The following EPB41 variants were observed in gnomAD, a reference collection of about 807,000 sequenced individuals.
EPB41 encodes protein 4.1.
Under a neutral mutation model 108.0 loss-of-function variants are expected in EPB41, and 65 were observed. The observed-to-expected ratio is 0.60, with a 90% CI of 0.49 to 0.74. EPB41 has a LOEUF of 0.74. EPB41 is among the 30% of genes least tolerant of loss of function. The pLI, the probability that EPB41 is intolerant of heterozygous loss-of-function variation, is 0.00. For synonymous variants in EPB41, 336 were observed against 358.9 expected (o/e 0.94, Z 0.72); for missense variants, 875 against 1,037.0 (o/e 0.84, Z 2.15).
At chr1:29,097,542 A>G (rs1268786646) in intron 16 of EPB41, 9 of 495,366 alleles carry the variant, frequency 1.8e-5, no homozygotes, top group East Asian at 7.7e-5. Flanking sequence ...TATATCACCA[A>G]TCATAACTGT....
At chr1:29,114,999 A>G (rs1185636162) in intron 19 of EPB41, among the ~76,000 whole-genome samples, 6 of 151,994 alleles carry the variant, frequency 3.9e-5, no homozygotes, top group Admixed American at 3.3e-4. Context: ...CTTGCCACTT[A>G]CCCATGCTGA....
intron 18 of EPB41, 26 bp from the exon 19 acceptor site, chr1:29,112,342 A>C (rs930325802): frequency 1.9e-6 from 3 of 1,578,054 alleles, no homozygotes; most frequent in Non-Finnish European, 2.6e-6. Flanking sequence ...CGCTGATCTC[A>C]TATGACATCT....
intron 1 of EPB41, among the ~76,000 whole-genome samples, chr1:28,918,301 G>A (rs1161661214): frequency 2.0e-5 from 3 of 150,692 alleles, no homozygotes; most frequent in South Asian, 2.1e-4. Context: ...ATCTGCCCAC[G>A]TCCGCCTCCC....
chr1:29,051,806 G>GTTC (rs1644562411), intron 11 of EPB41, among the ~76,000 whole-genome samples: 2 of 152,048 alleles, frequency 1.3e-5, no homozygotes, highest in South Asian at 4.2e-4. Context: ...GCTGAGGCAG[G>GTTC]AGAATCACTT....
Position 29,011,888 on chromosome 1 carries a change from A to C in EPB41, c.810A>C (p.Glu270Asp). 6.2e-7 allele frequency: 1 copy of C among 1,614,152 alleles called. No homozygotes were observed. The highest frequency in any genetic ancestry group is 8.5e-7 in the Non-Finnish European group (1 of 1,179,984). ...AGACATGGCTGGATTCCGCCAAAGA[A>C]ATAAAAAAGCAGGTTCGTGGTAAGT... ...TSKTWLDSAK[E>D]IKKQVRGVPW... is the part of the protein sequence containing the mutation. Residue 270 changes from glutamate (E) to aspartate (D), a missense_variant, in exon 5 of 21, where the codon GAA becomes GAC. Physicochemically the swap from Glu to Asp is conservative, Grantham distance 45. Transcript: ENST00000343067.
At chr1:29,109,762 G>A in intron 18 of EPB41, 1 of 383,962 alleles carries the variant, frequency 2.6e-6, no homozygotes, top group Non-Finnish European at 5.0e-6. Flanking sequence ...GGCCAGGCAT[G>A]GTGGCCCACA....
chr1:28,905,943 G>C (rs1398422927), intron 1 of EPB41, among the ~76,000 whole-genome samples: 1 of 151,196 alleles, frequency 6.6e-6, no homozygotes, highest in African/African-American at 2.4e-5. Context: ...TCAGCCTCCA[G>C]AGTAGCTGGT....
rs1489384931 is a variant in EPB41, at chr1:29,116,851, A to T, written c.*39A>T. ...CCTACCCCAACTCTGCCCTTCTCCC[A>T]TCCAAGAGAAACCAGCAAAATGATA... On this transcript the variant is annotated 3_prime_UTR_variant, in exon 21 of 21. Coordinates refer to ENST00000343067, the MANE Select transcript of EPB41 (RefSeq NM_001376013.1). The T allele has an allele frequency of 6.6e-6, 1 of 152,178 alleles. No individual in the cohort carries two copies. The highest frequency in any genetic ancestry group is 1.5e-5 in the Non-Finnish European group (1 of 68,034). 9.4% of individuals were successfully genotyped at this position (152,178 alleles called of 1,614,324 possible).
chr1:28,983,646 G>A (rs1239831579), intron 1 of EPB41, among the ~76,000 whole-genome samples: 14 of 152,300 alleles, frequency 9.2e-5, no homozygotes, highest in Middle Eastern at 6.8e-3. Flanking sequence ...GTGCACAAGC[G>A]CTGGAACGAG....
intron 1 of EPB41, among the ~76,000 whole-genome samples, chr1:28,954,920 T>C (rs1049133099): frequency 2.6e-5 from 4 of 152,224 alleles, no homozygotes; most frequent in East Asian, 1.9e-4. Context: ...GCAGAACACA[T>C]GATAAAGCTA....
rs535694228 is a variant in EPB41, at chr1:28,982,327, C to T, written c.-7-5104C>T. The T allele has an allele frequency of 1.6e-5, 10 of 638,592 alleles. 1 individual carries two copies. The highest frequency in any genetic ancestry group is 3.6e-5 in the African/African-American group (2 of 55,060). 39.6% of individuals were successfully genotyped at this position (638,592 alleles called of 1,614,324 possible). On this transcript the variant is annotated intron_variant, in intron 1 of 20. Coordinates refer to ENST00000343067, the MANE Select transcript of EPB41 (RefSeq NM_001376013.1). ...CTACTTGTTCTTGCCTGTCTTTTAT[C>T]TCTTTTCAAACTTGACCTTGGCCTC...
In EPB41 at chr1:29,112,397, T is replaced by C; in HGVS notation, c.2445T>C (p.Arg815=). The C allele has an allele frequency of 6.2e-7, 1 of 1,613,664 alleles. No homozygotes were observed. The highest frequency in any genetic ancestry group is 8.5e-7 in the Non-Finnish European group (1 of 1,179,856). Residue 815 remains arginine (R), a synonymous_variant, in exon 19 of 21, where the codon CGT becomes CGC. Transcript: ENST00000343067. ...KTVKGGISET[R]IEKRIVITGD... is the part of the protein sequence containing the mutation. ...TAAAAGGTGGGATTTCAGAGACACG[T>C]ATTGAAAAGAGAATTGTGATCACAG... is the stretch of plus-strand genomic sequence containing the variant.
chr1:29,103,887 G>C (rs1448638601), intron 17 of EPB41, among the ~76,000 whole-genome samples: 1 of 152,082 alleles, frequency 6.6e-6, no homozygotes, highest in African/African-American at 2.4e-5. Flanking sequence ...GGCTGGTTTC[G>C]AATGCCTGAT....
intron 14 of EPB41, among the ~76,000 whole-genome samples, chr1:29,060,084 G>A (rs947691872): frequency 2.0e-5 from 3 of 152,038 alleles, no homozygotes; most frequent in East Asian, 1.9e-4. Flanking sequence ...GAGTTTCAGC[G>A]TTTTTTAGTC....
Position 28,887,609 on chromosome 1 carries a change from C to T in EPB41, c.-8+399C>T. 1 of 985,282 alleles carries T rather than the reference C, an allele frequency of 1.0e-6. No homozygotes were observed. The highest frequency in any genetic ancestry group is 4.7e-5 in the South Asian group (1 of 21,284). 61.0% of individuals were successfully genotyped at this position (985,282 alleles called of 1,614,324 possible). ...CTTGCCCGGCCCCGCATGCTCCTGC[C>T]GGGCCCGCAGCAGCGCTGGAGCGGG... On this transcript the variant is annotated intron_variant, in intron 1 of 16. Coordinates refer to the EPB41 transcript ENST00000347529. The surrounding 1 kb of genome is among the most constrained non-coding windows in gnomAD (Gnocchi z 4.9).
intron 17 of EPB41, among the ~76,000 whole-genome samples, chr1:29,108,846 C>A (rs917291482): frequency 6.7e-6 from 1 of 150,000 alleles, no homozygotes; most frequent in Non-Finnish European, 1.5e-5. Flanking sequence ...CATGAGCCAC[C>A]GAGCATGGCC....
At chr1:28,977,758 C>G (rs183464956) in intron 1 of EPB41, among the ~76,000 whole-genome samples, 10 of 152,074 alleles carry the variant, frequency 6.6e-5, no homozygotes, top group African/African-American at 2.4e-4. Flanking sequence ...ATTTGTAACA[C>G]GAGGAACATG....
intron 17 of EPB41, among the ~76,000 whole-genome samples, chr1:29,101,658 C>G (rs2452770): frequency 0.82 from 125,280 of 152,002 alleles, 52,110 homozygotes; most frequent in Middle Eastern, 0.89. Flanking sequence ...AAAGAGCGAG[C>G]GTCCATCTCA....
intron 16 of EPB41, chr1:29,097,484 T>C (rs918933809): frequency 1.8e-5 from 7 of 379,102 alleles, no homozygotes; most frequent in African/African-American, 1.0e-4. Flanking sequence ...GATTGCTATT[T>C]GGCAAATCGT....
Sources: allele counts gnomAD v4.1 joint callset (sites outside exome capture counted in the v4.1 genomes callset), GRCh38; gene constraint gnomAD v4.1.1; non-coding constraint Gnocchi (gnomAD v3.1); transcripts MANE v1.5; gene names NCBI Gene and HGNC (gene_info 2026-07-23, HGNC 2026-07-21).